The following DMD variants were observed in gnomAD, a reference collection of about 807,000 sequenced individuals.
The protein encoded by DMD is mutant dystrophin.
A neutral mutation model predicts 330.1 loss-of-function variants in DMD; 63 were observed. The observed-to-expected ratio is 0.19, with a 90% CI of 0.16 to 0.24. The LOEUF (loss-of-function observed/expected upper bound fraction) is 0.24. DMD is among the 10% of genes least tolerant of loss of function. The probability of loss-of-function intolerance (pLI) is 1.00; values close to 1 mark genes in which losing one functional copy is unlikely to be tolerated. For synonymous variants in DMD, 1,223 were observed against 959.8 expected (o/e 1.27, Z -5.07); for missense variants, 3,344 against 2,684.1 (o/e 1.25, Z -5.43).
chrX:32,908,130 A>C, intron 2 of DMD, among the ~76,000 whole-genome samples: 1 of 112,338 alleles, frequency 8.9e-6, no homozygotes, highest in South Asian at 3.7e-4. Context: ...ATAATTTAAA[A>C]TGTGATGTAG....
chrX:32,609,284 A>G (rs1389363377), intron 12 of DMD, among the ~76,000 whole-genome samples: 5 of 110,965 alleles, frequency 4.5e-5, no homozygotes, highest in Non-Finnish European at 9.5e-5. Flanking sequence ...CTCAAAAAAT[A>G]TCTTCTTAAA....
At chrX:32,741,458 C>T (rs954413511) in intron 7 of DMD, among the ~76,000 whole-genome samples, 4 of 111,513 alleles carry the variant, frequency 3.6e-5, no homozygotes, top group African/African-American at 9.8e-5. Context: ...ACTTTAGGAG[C>T]CAGACTTGGC....
Position 31,478,225 on chromosome X carries a change from G to C in DMD, c.8818C>G (p.Gln2940Glu). ...AGGTCCAGCTCATCCGTGGCCTCTT[G>C]AAGTTCCCGGAGTCTTTCAAGGGTC... ...DETLERLREL[Q>E]EATDELDLKL... Residue 2940 changes from glutamine to glutamate, a missense_variant, in exon 59 of 79, where the codon CAA becomes GAA. Transcript: ENST00000357033. The C allele has an allele frequency of 8.3e-7, 1 of 1,211,066 alleles. No homozygotes were observed. Among genetic ancestry groups the C allele is most frequent in the Non-Finnish European group, 1.1e-6 (1 of 895,391 alleles).
At chrX:32,202,472 C>A (rs1378945257) in intron 44 of DMD, among the ~76,000 whole-genome samples, 1 of 111,750 alleles carries the variant, frequency 8.9e-6, no homozygotes, top group Non-Finnish European at 1.9e-5. Flanking sequence ...CTGCCTCAGC[C>A]TCCCAAGTAG....
At position 32,832,531 on chromosome X, in the gene DMD, C is replaced by CT. The variant is rs776806315; in HGVS notation, c.265-9145dup. ...TTTGCTTTTTAAACATGTTAAATGTCTTTTATAAGATGTCTGCCATCATGT... is the reference window on the plus strand; with the variant it reads ...TTTGCTTTTTAAACATGTTAAATGTCTTTTTATAAGATGTCTGCCATCATGT... On this transcript the variant is annotated intron_variant, in intron 4 of 78. Transcript: ENST00000357033. Among the ~76,000 whole-genome samples, 602 of 110,942 alleles carry CT rather than the reference C, an allele frequency of 5.4e-3. 5 individuals are homozygous for CT. The highest frequency in any genetic ancestry group is 8.2e-3 in the Non-Finnish European group (433 of 52,670).
intron 34 of DMD, among the ~76,000 whole-genome samples, chrX:32,367,745 T>C (rs768597171): frequency 3.7e-4 from 41 of 112,084 alleles, no homozygotes; most frequent in Non-Finnish European, 1.1e-4. Flanking sequence ...ATAGGAAATG[T>C]GGACTAATTT....
At chrX:31,781,004 T>C (rs1208109409) in intron 50 of DMD, among the ~76,000 whole-genome samples, 2 of 112,120 alleles carry the variant, frequency 1.8e-5, no homozygotes, top group Admixed American at 1.9e-4. Context: ...ATGGTGCTAT[T>C]TGCTTACATT....
At chrX:31,370,215 T>C (rs1271781056) in intron 60 of DMD, among the ~76,000 whole-genome samples, 1 of 110,250 alleles carries the variant, frequency 9.1e-6, no homozygotes, top group Non-Finnish European at 1.9e-5. Context: ...AAATTCAACC[T>C]CGCCAAAATT....
intron 2 of DMD, among the ~76,000 whole-genome samples, chrX:32,877,208 T>C (rs748635302): frequency 8.9e-6 from 1 of 112,058 alleles, no homozygotes; most frequent in Admixed American, 9.5e-5. Context: ...TGGGGAAATG[T>C]ATATGGATTG....
chrX:31,539,458 T>C (rs747514163), intron 55 of DMD, among the ~76,000 whole-genome samples: 1 of 111,998 alleles, frequency 8.9e-6, no homozygotes, highest in South Asian at 3.7e-4. Flanking sequence ...TTTAACCTAT[T>C]TTCAAGGTTA....
At chrX:33,231,380 A>T (rs959670339) in intron 1 of DMD, among the ~76,000 whole-genome samples, 2 of 112,135 alleles carry the variant, frequency 1.8e-5, no homozygotes, top group Non-Finnish European at 3.8e-5. Flanking sequence ...TTATACTAAA[A>T]ACCACCAGAT....
At chrX:31,724,542 G>A (rs2085856995) in intron 52 of DMD, among the ~76,000 whole-genome samples, 1 of 108,417 alleles carries the variant, frequency 9.2e-6, no homozygotes, top group African/African-American at 3.3e-5. Context: ...GGACTGGGTT[G>A]AAAAATCCTT....
rs1000974746 is a variant in DMD at position 32,434,715 on chromosome X, T to G, written c.4071+3526A>C. Among the ~76,000 whole-genome samples, 5 of 111,970 alleles carry G rather than the reference T, an allele frequency of 4.5e-5. No homozygotes were observed. The Admixed American group carries it at 4.8e-4, about 11-fold the overall frequency. On this transcript the variant is annotated intron_variant, in intron 29 of 78. Transcript: ENST00000357033. The stretch of plus-strand genomic sequence containing the variant: ...TAGCTAATAAATTATTAGGTGTGTC[T>G]TTTTTACCTAAGTAGTTTGAAATTG...
chrX:32,511,225 G>A (rs2045271244), intron 18 of DMD, among the ~76,000 whole-genome samples: 1 of 110,542 alleles, frequency 9.0e-6, no homozygotes, highest in African/African-American at 3.3e-5. Context: ...AAGTTATTTT[G>A]TGAAAGTCAT....
At chrX:32,589,426 G>A (rs1052073300) in intron 13 of DMD, among the ~76,000 whole-genome samples, 1 of 110,047 alleles carries the variant, frequency 9.1e-6, no homozygotes, top group African/African-American at 3.3e-5. Flanking sequence ...ATGTGCTTAT[G>A]TTTATGTATA....
At position 31,861,666 on chromosome X, in the gene DMD, G is replaced by GTA. The variant is rs1250542440; in HGVS notation, c.7098+13520_7098+13521dup. ...TGTGTGTGTGTGTGTGTGTGTGTGT[G>GTA]TATATATATACACACACACACACAG... On this transcript the variant is annotated intron_variant, in intron 48 of 78. Coordinates refer to ENST00000357033, the MANE Select transcript of DMD (RefSeq NM_004006.3). Among the ~76,000 whole-genome samples the GTA allele has an allele frequency of 4.4e-3, 346 of 78,680 alleles. 2 individuals are homozygous for GTA. The highest frequency in any genetic ancestry group is 0.019 in the East Asian group (39 of 2,103). 68.3% of individuals were successfully genotyped at this position (78,680 alleles called of 115,157 possible). A position where few individuals can be genotyped will look rare whatever the true frequency, so the allele number is the denominator to read the frequency against.
At chrX:31,977,415 T>C (rs2095443742) in intron 44 of DMD, among the ~76,000 whole-genome samples, 1 of 111,157 alleles carries the variant, frequency 9.0e-6, no homozygotes, top group Non-Finnish European at 1.9e-5. Flanking sequence ...TCTCAGGCTC[T>C]TGAGAATGGG....
Position 32,483,427 on chromosome X carries a change from A to G in DMD, c.2803+1492T>C, listed in dbSNP as rs562103212. 3.1e-4 allele frequency among the ~76,000 whole-genome samples: 33 copies of G among 107,729 alleles called. 1 individual carries two copies. In the South Asian group the frequency reaches 0.011, roughly 36 times the overall value. The allele number at this position is 107,729 out of a possible 115,157, so 93.5% of individuals were successfully genotyped here. A position where few individuals can be genotyped will look rare whatever the true frequency, so the allele number is the denominator to read the frequency against. ...ATATATTATTACGTATTTATATTGT[A>G]ACATCATAGACAAATCTCAGTTATC... On this transcript the variant is annotated intron_variant, in intron 21 of 78. Transcript: ENST00000357033.
chrX:31,558,681 T>C (rs2075004407), intron 55 of DMD, among the ~76,000 whole-genome samples: 1 of 111,049 alleles, frequency 9.0e-6, no homozygotes, highest in Non-Finnish European at 1.9e-5. Flanking sequence ...CGTATATATA[T>C]ATATGGACAT....
Sources: gnomAD v4.1 joint callset for allele counts (sites outside exome capture counted in the v4.1 genomes callset) on GRCh38, gnomAD v4.1.1 for gene constraint, MANE v1.5 for transcripts, NCBI Gene and HGNC (gene_info 2026-07-23, HGNC 2026-07-21) for gene names.